The following EPHA6 variants were observed in gnomAD, a reference collection of about 807,000 sequenced individuals.
EPHA6 encodes ephrin type-A receptor 6.
In EPHA6, 50 loss-of-function variants were observed where a neutral mutation model predicts 112.0. That is an observed-to-expected ratio of 0.45 (90% confidence interval 0.36 to 0.56). The LOEUF (loss-of-function observed/expected upper bound fraction) is 0.56, where lower values mean the gene tolerates loss of function less well. EPHA6 is among the 20% of genes least tolerant of loss of function. EPHA6 has a pLI of 0.00. For missense variants in EPHA6, 1,280 were observed against 1,417.4 expected (o/e 0.90, Z 1.56); for synonymous variants, 529 against 490.7 (o/e 1.08, Z -1.03).
rs149619442 is a variant in EPHA6 at position 97,407,838 on chromosome 3, C to T, written c.1731+2564C>T. Among the ~76,000 whole-genome samples, 312 of 152,162 alleles carry T rather than the reference C, an allele frequency of 2.1e-3. 2 individuals carry two copies. Among genetic ancestry groups the T allele is most frequent in the African/African-American group, 7.1e-3 (293 of 41,528 alleles). ...CATCATCTGCTCCCAACTTCTCAGT[C>T]CTCCCCTTCAAAACAGTCCAAACCC... On this transcript the variant is annotated intron_variant, in intron 6 of 17. Coordinates refer to ENST00000389672, the MANE Select transcript of EPHA6 (RefSeq NM_001080448.3).
At chr3:96,957,486 G>A (rs2041806261) in intron 2 of EPHA6, among the ~76,000 whole-genome samples, 1 of 152,200 alleles carries the variant, frequency 6.6e-6, no homozygotes, top group South Asian at 2.1e-4. Context: ...TAGATAATTT[G>A]TAACTGGGAA....
chr3:96,858,174 A>G (rs2035806966), intron 1 of EPHA6, among the ~76,000 whole-genome samples: 1 of 152,152 alleles, frequency 6.6e-6, no homozygotes, highest in Non-Finnish European at 1.5e-5. Flanking sequence ...ATGACCCATG[A>G]CACAGCAAGC....
At chr3:96,895,934 G>A (rs962304089) in intron 2 of EPHA6, among the ~76,000 whole-genome samples, 10 of 152,072 alleles carry the variant, frequency 6.6e-5, no homozygotes, top group Admixed American at 2.0e-4. Flanking sequence ...GTAAGACCAC[G>A]TACCTATTTT....
intron 7 of EPHA6, among the ~76,000 whole-genome samples, chr3:97,458,011 T>C (rs1577467590): frequency 7.9e-6 from 1 of 127,348 alleles, no homozygotes; most frequent in Non-Finnish European, 1.5e-5. Context: ...GAGCTTGCAG[T>C]GAGCCGAGAT....
At chr3:97,561,331 G>A (rs563363134) in intron 11 of EPHA6, among the ~76,000 whole-genome samples, 9 of 152,030 alleles carry the variant, frequency 5.9e-5, no homozygotes. Context: ...AGTTGTAAAT[G>A]CAAAGGGAGT....
intron 3 of EPHA6, among the ~76,000 whole-genome samples, chr3:97,136,544 C>T (rs1191157642): frequency 6.6e-6 from 1 of 151,878 alleles, no homozygotes; most frequent in Non-Finnish European, 1.5e-5. Flanking sequence ...CAGTGAGACC[C>T]CGTCTCTAGA....
At chr3:97,336,321 G>A (rs941319808) in intron 5 of EPHA6, among the ~76,000 whole-genome samples, 1 of 152,136 alleles carries the variant, frequency 6.6e-6, no homozygotes, top group Admixed American at 6.6e-5. Flanking sequence ...AAAAAGATAT[G>A]GAGTTAGTTA....
chr3:96,938,008 T>C (rs1576098542), intron 2 of EPHA6, among the ~76,000 whole-genome samples: 1 of 152,304 alleles, frequency 6.6e-6, no homozygotes, highest in African/African-American at 2.4e-5. Flanking sequence ...TTGGTTACTG[T>C]AGCCTTGTAG....
intron 14 of EPHA6, among the ~76,000 whole-genome samples, chr3:97,657,609 T>C (rs753108787): frequency 4.0e-5 from 6 of 151,734 alleles, no homozygotes; most frequent in South Asian, 2.1e-4. Context: ...TTCCACATCT[T>C]GAACAGAATT....
At chr3:97,604,538 A>G (rs1447574826) in intron 12 of EPHA6, among the ~76,000 whole-genome samples, 1 of 151,762 alleles carries the variant, frequency 6.6e-6, no homozygotes, top group East Asian at 1.9e-4. Flanking sequence ...GTGCAAACAT[A>G]ATAATACAGA....
intron 3 of EPHA6, among the ~76,000 whole-genome samples, chr3:97,050,119 G>C (rs1049098787): frequency 1.3e-5 from 2 of 152,130 alleles, no homozygotes; most frequent in African/African-American, 4.8e-5. Flanking sequence ...AGTGATCTGA[G>C]GCTCTGGACT....
Position 96,984,758 on chromosome 3 carries a change from G to A in EPHA6, c.451-2572G>A, listed in dbSNP as rs186947512. Among the ~76,000 whole-genome samples, 94 of 152,256 alleles carry A rather than the reference G, an allele frequency of 6.2e-4. No homozygotes were observed. The East Asian group carries it at 0.012, about 20-fold the overall frequency. On this transcript the variant is annotated intron_variant, in intron 2 of 17. Transcript: ENST00000389672. ...TACTCAAGCCTCAGCAATGGTGGGC[G>A]TCCCTCCCCCAGCCCTGCTGCCTTG...
At chr3:96,939,051 A>G (rs1000607640) in intron 2 of EPHA6, among the ~76,000 whole-genome samples, 1 of 152,136 alleles carries the variant, frequency 6.6e-6, no homozygotes, top group African/African-American at 2.4e-5. Context: ...CATCAAGGAT[A>G]TTGGTCTAAA....
chr3:97,729,025 G>A (rs1023387599), intron 15 of EPHA6, among the ~76,000 whole-genome samples: 10 of 151,996 alleles, frequency 6.6e-5, no homozygotes, highest in African/African-American at 2.4e-4. Context: ...AGAAAGGATG[G>A]AGAATTGTCT....
At chr3:97,080,272 C>T (rs748056374) in intron 3 of EPHA6, among the ~76,000 whole-genome samples, 9 of 152,056 alleles carry the variant, frequency 5.9e-5, no homozygotes, top group Non-Finnish European at 8.8e-5. Context: ...ACTTTCAAAT[C>T]GAGCTGCAAC....
At chr3:97,293,852 C>T (rs2080783381) in intron 5 of EPHA6, among the ~76,000 whole-genome samples, 1 of 152,366 alleles carries the variant, frequency 6.6e-6, no homozygotes, top group African/African-American at 2.4e-5. Flanking sequence ...CCGAGGAGTG[C>T]CTGCAAGCCT....
chr3:97,398,430 A>C (rs1192346466), intron 5 of EPHA6, among the ~76,000 whole-genome samples: 2 of 151,492 alleles, frequency 1.3e-5, no homozygotes, highest in Non-Finnish European at 3.0e-5. Context: ...CAACAGGGAC[A>C]AATTTATTAA....
intron 11 of EPHA6, chr3:97,559,716 C>T: frequency 2.3e-6 from 1 of 429,132 alleles, no homozygotes; most frequent in Non-Finnish European, 4.6e-6. Context: ...AGTGAAGCTT[C>T]CTTATTTTTT....
chr3:97,332,269 G>A (rs923465197), intron 5 of EPHA6, among the ~76,000 whole-genome samples: 5 of 151,968 alleles, frequency 3.3e-5, no homozygotes, highest in African/African-American at 7.3e-5. Flanking sequence ...AAAATAATAA[G>A]AGCTATCTAT....
Sources: gnomAD v4.1 joint callset for allele counts (sites outside exome capture counted in the v4.1 genomes callset) on GRCh38, gnomAD v4.1.1 for gene constraint, MANE v1.5 for transcripts, NCBI Gene and HGNC (gene_info 2026-07-23, HGNC 2026-07-21) for gene names.